DAB2IP: variants seen among roughly 807,000 people sequenced by gnomAD.
DAB2IP encodes DAB2 interacting protein, also known as disabled homolog 2-interacting protein.
In DAB2IP, 28 loss-of-function variants were observed where a neutral mutation model predicts 107.2. The ratio of observed to expected loss-of-function variants is 0.26; its 90% CI spans 0.19 to 0.36. The LOEUF is 0.36. Among genes scored for constraint, DAB2IP ranks in the 10% least tolerant of loss-of-function variants. The probability of loss-of-function intolerance (pLI) is 1.00; values close to 1 mark genes in which losing one functional copy is unlikely to be tolerated. For synonymous variants in DAB2IP, 755 were observed against 706.4 expected (o/e 1.07, Z -1.09); for missense variants, 1,400 against 1,644.7 (o/e 0.85, Z 2.57).
At chr9:121,641,458 G>A (rs1415895935) in intron 1 of DAB2IP, among the ~76,000 whole-genome samples, 1 of 152,210 alleles carries the variant, frequency 6.6e-6, no homozygotes, top group Non-Finnish European at 1.5e-5. Context: ...TGGACACAGA[G>A]GCTCTGAGTG....
At chr9:121,723,139 G>C (rs760449522) in intron 3 of DAB2IP, among the ~76,000 whole-genome samples, 17 of 152,222 alleles carry the variant, frequency 1.1e-4, no homozygotes. Flanking sequence ...ATGGTGCTGG[G>C]TGGCCCTCCA....
chr9:121,711,301 C>T (rs1392910244), intron 3 of DAB2IP, among the ~76,000 whole-genome samples: 22 of 152,196 alleles, frequency 1.4e-4, no homozygotes, highest in Admixed American at 1.4e-3. Context: ...GTTTCTCAAA[C>T]TCAGTGTCAG....
chr9:121,692,668 A>T (rs1829220712), intron 2 of DAB2IP, among the ~76,000 whole-genome samples: 2 of 152,236 alleles, frequency 1.3e-5, no homozygotes, highest in Admixed American at 1.3e-4. Flanking sequence ...CTGTGGGCAT[A>T]GGGTGGCCTG....
Position 121,760,704 on chromosome 9 carries a change from C to T in DAB2IP, c.1170+265C>T, listed in dbSNP as rs762479865. 2.6e-5 allele frequency among the ~76,000 whole-genome samples: 4 copies of T among 152,050 alleles called. No individual in the cohort carries two copies. Among genetic ancestry groups the T allele is most frequent in the Non-Finnish European group, 5.9e-5 (4 of 67,996 alleles). On this transcript the variant is annotated intron_variant, in intron 6 of 15. Transcript: ENST00000408936. This position sits in a 1 kb window ranked among gnomAD's most constrained non-coding sequence, Gnocchi z 5.9. ...GAGGGAGTGGGCTTGGGTTGAGGTG[C>T]CTTCCACCACTGCTGCAGAGGACCG... is the stretch of plus-strand genomic sequence containing the variant.
chr9:121,657,052 G>A (rs1832999199), intron 1 of DAB2IP, among the ~76,000 whole-genome samples: 1 of 152,230 alleles, frequency 6.6e-6, no homozygotes, highest in Admixed American at 6.5e-5. Context: ...GGCCCCGTTG[G>A]CATCTGGTTG....
upstream of DAB2IP, among the ~76,000 whole-genome samples, chr9:121,647,237 G>T (rs982838597): frequency 3.9e-5 from 6 of 152,276 alleles, no homozygotes; most frequent in South Asian, 6.2e-4. Flanking sequence ...CCCCTGTACA[G>T]AATGGCCCAT....
intron 1 of DAB2IP, among the ~76,000 whole-genome samples, chr9:121,569,447 T>G (rs1157982349): frequency 1.3e-5 from 2 of 152,152 alleles, no homozygotes; most frequent in African/African-American, 2.4e-5. Flanking sequence ...AGTCAATGAT[T>G]CCCTCTATAT....
chr9:121,623,882 T>C (rs973577064), intron 1 of DAB2IP, among the ~76,000 whole-genome samples: 2 of 152,194 alleles, frequency 1.3e-5, no homozygotes, highest in Non-Finnish European at 2.9e-5. Flanking sequence ...GAGATGGGGT[T>C]TTGCCATATT....
intron 1 of DAB2IP, among the ~76,000 whole-genome samples, chr9:121,590,787 A>G (rs1009027646): frequency 3.9e-5 from 6 of 152,204 alleles, no homozygotes; most frequent in Non-Finnish European, 5.9e-5. Context: ...AGCACCTACT[A>G]CATGCCCTTG....
At chr9:121,784,845 G>C (rs575752792) in exon 16 of DAB2IP, 3 of 152,804 alleles carry the variant, frequency 2.0e-5, no homozygotes, top group Non-Finnish European at 4.4e-5. Context: ...GTGGCCACTG[G>C]GGTGCCTTCA....
At chr9:121,676,127 A>G (rs796425767) in intron 1 of DAB2IP, among the ~76,000 whole-genome samples, 13 of 152,268 alleles carry the variant, frequency 8.5e-5, no homozygotes, top group African/African-American at 2.9e-4. Context: ...TGCCTGCCCC[A>G]GGCCTGCCTG....
rs1831890278 is a variant in DAB2IP, at chr9:121,736,174, A to C, written c.363-20839A>C. On this transcript the variant is annotated intron_variant, in intron 3 of 15. Coordinates refer to ENST00000408936, the Ensembl canonical transcript of DAB2IP. The surrounding 1 kb of genome is among the most constrained non-coding windows in gnomAD (Gnocchi z 4.6). The stretch of plus-strand genomic sequence containing the variant: ...GGACCTCAGTTGTGTTCACTTGTTA[A>C]AATGTTGGAATGGAAATGTGGGGAA... Among the ~76,000 whole-genome samples the C allele has an allele frequency of 6.6e-6, 1 of 152,156 alleles. No individual in the cohort carries two copies. The highest frequency in any genetic ancestry group is 1.9e-4 in the East Asian group (1 of 5,164).
At chr9:121,628,780 A>T (rs746821715) in intron 1 of DAB2IP, among the ~76,000 whole-genome samples, 4 of 152,202 alleles carry the variant, frequency 2.6e-5, no homozygotes, top group Non-Finnish European at 4.4e-5. Flanking sequence ...CTTGATGTCC[A>T]GAAAGCTACT....
chr9:121,781,444 G>A lies in DAB2IP; in HGVS notation c.3315-20G>A, dbSNP rs752615410. ...TGCTGCCTCCAGGGCCAGTCTGACT[G>A]TCTCTGTCTCTGGCTATAGGTTGAT... On this transcript the variant is annotated intron_variant, in intron 14 of 15. Transcript: ENST00000408936. 2.5e-6 allele frequency: 4 copies of A among 1,613,540 alleles called. No homozygotes were observed. Among genetic ancestry groups the A allele is most frequent in the East Asian group, 2.2e-5 (1 of 44,868 alleles).
At chr9:121,678,730 C>T (rs375656739) in exon 2 of DAB2IP, 57 of 1,598,366 alleles carry the variant, frequency 3.6e-5, no homozygotes, top group African/African-American at 5.4e-5. Context: ...GCAGCCTTTC[C>T]GAGAAGAGCC....
intron 1 of DAB2IP, among the ~76,000 whole-genome samples, chr9:121,653,001 G>T (rs1310173066): frequency 6.6e-6 from 1 of 152,128 alleles, no homozygotes; most frequent in Non-Finnish European, 1.5e-5. Flanking sequence ...GCACAGAAGG[G>T]TTCAAGCTGA....
intron 1 of DAB2IP, among the ~76,000 whole-genome samples, chr9:121,572,959 A>G (rs1157952434): frequency 6.6e-6 from 1 of 152,184 alleles, no homozygotes; most frequent in African/African-American, 2.4e-5. Flanking sequence ...GCAGAGAAGC[A>G]GGTGGATGTG....
intron 9 of DAB2IP, among the ~76,000 whole-genome samples, chr9:121,767,862 C>T (rs1473325152): frequency 1.3e-5 from 2 of 152,096 alleles, no homozygotes; most frequent in Admixed American, 1.3e-4. Flanking sequence ...GATTAGAAGG[C>T]AAAATCAGTG....
chr9:121,724,972 G>C (rs1013050057), intron 3 of DAB2IP, among the ~76,000 whole-genome samples: 9 of 152,132 alleles, frequency 5.9e-5, no homozygotes, highest in African/African-American at 2.2e-4. Flanking sequence ...CTTCAGTGAG[G>C]GTCAGGACAG....
Sources: allele counts gnomAD v4.1 joint callset (sites outside exome capture counted in the v4.1 genomes callset), GRCh38; gene constraint gnomAD v4.1.1; non-coding constraint Gnocchi (gnomAD v3.1); transcripts MANE v1.5; gene names NCBI Gene and HGNC (gene_info 2026-07-23, HGNC 2026-07-21).